FMN2: variants seen among roughly 807,000 people sequenced by gnomAD.
FMN2 encodes formin 2.
In FMN2, 51 loss-of-function variants were observed where a neutral mutation model predicts 142.3. The observed-to-expected ratio is 0.36, with a 90% CI of 0.29 to 0.45. The LOEUF is 0.45. FMN2 is among the 20% of genes least tolerant of loss of function. The probability of loss-of-function intolerance (pLI) is 1.00; values close to 1 mark genes in which losing one functional copy is unlikely to be tolerated. For synonymous variants in FMN2, 882 were observed against 869.8 expected (o/e 1.01, Z -0.25); for missense variants, 1,936 against 2,122.8 (o/e 0.91, Z 1.73).
At chr1:240,447,681 C>T (rs1221849670) in intron 16 of FMN2, among the ~76,000 whole-genome samples, 4 of 152,130 alleles carry the variant, frequency 2.6e-5, no homozygotes, top group South Asian at 2.1e-4. Flanking sequence ...AACGTAGATT[C>T]GTCTTTGTGA....
chr1:240,177,273 A>G (rs1458507133), intron 2 of FMN2, among the ~76,000 whole-genome samples: 1 of 151,554 alleles, frequency 6.6e-6, no homozygotes, highest in African/African-American at 2.4e-5. Flanking sequence ...GGCCCTAGGT[A>G]TAGTACTAGC....
chr1:240,471,618 C>A (rs1052066491), intron 16 of FMN2: 1 of 152,280 alleles, frequency 6.6e-6, no homozygotes, highest in Non-Finnish European at 1.5e-5. Flanking sequence ...CCTTGTGATC[C>A]ACCTGCCTCA....
chr1:240,472,998 A>T (rs535292197), intron 17 of FMN2, among the ~76,000 whole-genome samples: 6 of 151,786 alleles, frequency 4.0e-5, no homozygotes, highest in Non-Finnish European at 5.9e-5. Context: ...GAGGGTGTGC[A>T]TTTATGTGGA....
intron 2 of FMN2, among the ~76,000 whole-genome samples, chr1:240,150,980 A>G (rs565560409): frequency 9.2e-5 from 14 of 152,330 alleles, no homozygotes; most frequent in African/African-American, 3.4e-4. Context: ...CCCTATATCC[A>G]TAGCTTCAGA....
At chr1:240,212,784 A>C (rs773313643) in intron 6 of FMN2, among the ~76,000 whole-genome samples, 42 of 152,220 alleles carry the variant, frequency 2.8e-4, no homozygotes, top group Non-Finnish European at 4.1e-4. Context: ...CTGGGCGAGG[A>C]ATATGGGTGG....
Position 240,093,322 on chromosome 1 carries a change from C to A in FMN2, c.1213C>A (p.Gln405Lys). ...ASLPGSPAPS[Q>K]RCFKPYPLIT... The stretch of plus-strand genomic sequence containing the variant: ...CCTGCCCGGCAGCCCCGCGCCTAGC[C>A]AGCGCTGTTTCAAGCCCTACCCGCT... The change falls in exon 1 of 18, where the codon CAG (glutamine) becomes AAG (lysine). Residue 405 changes from glutamine to lysine, a missense_variant. Transcript: ENST00000319653. 1 of 1,611,598 alleles carries A rather than the reference C, an allele frequency of 6.2e-7. No homozygotes were observed. The highest frequency in any genetic ancestry group is 2.2e-5 in the East Asian group (1 of 44,448).
At chr1:240,251,650 T>C (rs1668281702) in intron 6 of FMN2, among the ~76,000 whole-genome samples, 1 of 152,202 alleles carries the variant, frequency 6.6e-6, no homozygotes, top group East Asian at 1.9e-4. Flanking sequence ...ATGATCCTAC[T>C]GTTGCTGAGA....
At chr1:240,096,044 A>G (rs1572741953) in intron 1 of FMN2, among the ~76,000 whole-genome samples, 1 of 152,172 alleles carries the variant, frequency 6.6e-6, no homozygotes, top group East Asian at 1.9e-4. Flanking sequence ...GGAAAAGAGG[A>G]TCAGTAGGTT....
At chr1:240,362,907 C>T (rs539908430) in intron 14 of FMN2, among the ~76,000 whole-genome samples, 151 of 152,280 alleles carry the variant, frequency 9.9e-4, no homozygotes, top group African/African-American at 2.7e-3. Context: ...CCCGCCTCCC[C>T]GCTTTTCCCA....
At chr1:240,203,827 T>C (rs1666222709) in intron 4 of FMN2, among the ~76,000 whole-genome samples, 1 of 151,874 alleles carries the variant, frequency 6.6e-6, no homozygotes, top group Non-Finnish European at 1.5e-5. Context: ...AATTAAATAA[T>C]AAAAAAAGGT....
At chr1:240,341,773 A>G (rs1403975837) in intron 13 of FMN2, among the ~76,000 whole-genome samples, 1 of 152,206 alleles carries the variant, frequency 6.6e-6, no homozygotes. Flanking sequence ...TAGCAGCAGC[A>G]TAGAGCTCCT....
intron 2 of FMN2, among the ~76,000 whole-genome samples, chr1:240,148,369 G>C (rs545398383): frequency 1.1e-5 from 1 of 90,118 alleles, no homozygotes; most frequent in South Asian, 3.9e-4. Context: ...GACAGAGACA[G>C]AGAGAGAGAG....
intron 3 of FMN2, among the ~76,000 whole-genome samples, chr1:240,185,147 T>TCCCCCTTCTCTTTCTCCCTCCTATAACTG (rs1374165164): frequency 1.2e-5 from 1 of 80,424 alleles, no homozygotes; most frequent in Admixed American, 1.2e-4. Flanking sequence ...TCCTATACCT[T>TCCCCCTTCTCTTTCTCCCTCCTATAACTG]CCCCTTCTCT....
chr1:240,377,028 A>T (rs1673070314), intron 14 of FMN2, among the ~76,000 whole-genome samples: 1 of 152,182 alleles, frequency 6.6e-6, no homozygotes, highest in Non-Finnish European at 1.5e-5. Context: ...AAAACAATAT[A>T]TTGCTCCTAC....
chr1:240,277,341 G>C (rs1309819113), intron 7 of FMN2, among the ~76,000 whole-genome samples: 2 of 151,142 alleles, frequency 1.3e-5, no homozygotes, highest in African/African-American at 4.9e-5. Flanking sequence ...TTAAAATCTG[G>C]TATGATCAAT....
At chr1:240,313,268 C>T (rs1317143478) in intron 8 of FMN2, among the ~76,000 whole-genome samples, 1 of 152,180 alleles carries the variant, frequency 6.6e-6, no homozygotes, top group African/African-American at 2.4e-5. Context: ...ACTGATGCTT[C>T]CTTTTTCTAA....
At chr1:240,403,860 A>G (rs1454173362) in intron 15 of FMN2, among the ~76,000 whole-genome samples, 2 of 152,232 alleles carry the variant, frequency 1.3e-5, no homozygotes, top group East Asian at 3.8e-4. Flanking sequence ...AAGAGAATAC[A>G]CTACATTCCC....
chr1:240,363,799 T>C (rs1247820799), intron 14 of FMN2, among the ~76,000 whole-genome samples: 1 of 152,072 alleles, frequency 6.6e-6, no homozygotes, highest in Non-Finnish European at 1.5e-5. Context: ...TACTACCTTG[T>C]CCCCAACCCC....
chr1:240,169,452 G>C (rs1664614731), intron 2 of FMN2, among the ~76,000 whole-genome samples: 1 of 152,034 alleles, frequency 6.6e-6, no homozygotes, highest in South Asian at 2.1e-4. Flanking sequence ...GATTTTATTT[G>C]ATTTGATTTG....
Sources: allele counts gnomAD v4.1 joint callset (sites outside exome capture counted in the v4.1 genomes callset), GRCh38; gene constraint gnomAD v4.1.1; transcripts MANE v1.5; gene names NCBI Gene and HGNC (gene_info 2026-07-23, HGNC 2026-07-21).